POFUT1: variants seen among roughly 807,000 people sequenced by gnomAD.
POFUT1 encodes protein O-fucosyltransferase 1.
A neutral mutation model predicts 42.4 loss-of-function variants in POFUT1; 16 were observed. The ratio of observed to expected loss-of-function variants is 0.38; its 90% CI spans 0.26 to 0.57. POFUT1 has a LOEUF of 0.57. POFUT1 is among the 20% of genes least tolerant of loss of function. The probability of loss-of-function intolerance (pLI) is 0.71; values close to 1 mark genes in which losing one functional copy is unlikely to be tolerated. For synonymous variants in POFUT1, 206 were observed against 205.4 expected, an observed-to-expected ratio of 1.00 and a Z score of -0.03; for missense variants, 470 against 504.6, an observed-to-expected ratio of 0.93 and a Z score of 0.66.
At position 32,214,510 on chromosome 20, in the gene POFUT1, G is replaced by A. The variant is rs555268251; in HGVS notation, c.247-759G>A. Among the ~76,000 whole-genome samples the A allele has an allele frequency of 2.2e-4, 33 of 152,292 alleles. No homozygotes were observed. The South Asian group carries it at 3.3e-3, about 15-fold the overall frequency. ...AAAATGTAGACTTCTGCTACCGGCCGTGTAGAAGAGTGCGCATTTCCCCAC... is the reference window on the plus strand; with the variant it reads ...AAAATGTAGACTTCTGCTACCGGCCATGTAGAAGAGTGCGCATTTCCCCAC... On this transcript the variant is annotated intron_variant, in intron 2 of 6. Coordinates refer to ENST00000375749, the MANE Select transcript of POFUT1 (RefSeq NM_015352.2).
At position 32,231,064 on chromosome 20, in the gene POFUT1, A is replaced by T; in HGVS notation, c.978+3A>T. 6.2e-7 allele frequency: 1 copy of T among 1,614,100 alleles called. No homozygotes were observed. The highest frequency in any genetic ancestry group is 8.5e-7 in the Non-Finnish European group (1 of 1,180,006). On this transcript the variant is annotated splice_donor_region_variant and intron_variant, in intron 6 of 6. Transcript: ENST00000375749. ...TCCAACAGCTCTTCAAAGGGAAGGT[A>T]TGTGTGGGCCAAGTGGGAGTGCAGT...
rs201685689 is a variant in POFUT1 at position 32,215,461 on chromosome 20, G to C, written c.429+10G>C. ...GACGTGCCCCATGAAGGTGGGTCCTGTGGGTTCGGGGGCCCTTTCTTCCTG... is the reference window on the plus strand; with the variant it reads ...GACGTGCCCCATGAAGGTGGGTCCTCTGGGTTCGGGGGCCCTTTCTTCCTG... On this transcript the variant is annotated intron_variant, in intron 3 of 6. Transcript: ENST00000375749. 1.6e-5 allele frequency: 25 copies of C among 1,598,546 alleles called. No homozygotes were observed. Among genetic ancestry groups the C allele is most frequent in the Non-Finnish European group, 2.1e-5 (25 of 1,168,446 alleles).
At chr20:32,228,211 A>C in intron 4 of POFUT1, 52 bp from the exon 5 acceptor site, 4 of 1,499,590 alleles carry the variant, frequency 2.7e-6, no homozygotes, top group Non-Finnish European at 3.7e-6. Context: ...TGGGGGTGGC[A>C]GCCAGGCTCT....
intron 1 of POFUT1, 68 bp from the exon 2 acceptor site, chr20:32,210,003 C>T (rs74183480): frequency 1.3e-6 from 2 of 1,588,976 alleles, no homozygotes; most frequent in Non-Finnish European, 1.7e-6. Flanking sequence ...CACAACCTTT[C>T]TGAGCCCTGC....
chr20:32,230,557 TG>T (rs2047437544), intron 5 of POFUT1, among the ~76,000 whole-genome samples: 1 of 151,630 alleles, frequency 6.6e-6, no homozygotes, highest in Non-Finnish European at 1.5e-5. Context: ...TAGCCGGGCA[TG>T]GTGGCGGGTG....
chr20:32,225,342 G>C (rs6057540), intron 4 of POFUT1, among the ~76,000 whole-genome samples: 103,941 of 151,770 alleles, frequency 0.68, 37,555 homozygotes, highest in East Asian at 0.99. Context: ...TGCCCACCAC[G>C]ACGTGTGGCT....
intron 5 of POFUT1, 37 bp from the exon 6 acceptor site, chr20:32,230,782 G>A (rs764567654): frequency 6.2e-6 from 10 of 1,602,420 alleles, no homozygotes; most frequent in South Asian, 1.1e-5. Flanking sequence ...TTCCAGGGCA[G>A]TTGCCAGTAT....
At chr20:32,214,888 GT>G (rs2047350432) in intron 2 of POFUT1, among the ~76,000 whole-genome samples, 1 of 152,034 alleles carries the variant, frequency 6.6e-6, no homozygotes, top group African/African-American at 2.4e-5. Flanking sequence ...GTCTTGGAGT[GT>G]TTTTGTTTTT....
At chr20:32,230,386 CA>C (rs71185388) in intron 5 of POFUT1, among the ~76,000 whole-genome samples, 31,230 of 104,430 alleles carry the variant, frequency 0.3, 5,284 homozygotes, top group African/African-American at 0.54. Flanking sequence ...GACTCCCTCT[CA>C]AAAAAAAAAA....
intron 5 of POFUT1, among the ~76,000 whole-genome samples, chr20:32,229,722 T>C (rs1196785131): frequency 6.6e-6 from 1 of 152,138 alleles, no homozygotes; most frequent in African/African-American, 2.4e-5. Flanking sequence ...TGCCAGGCTT[T>C]CTGTGCTGTG....
chr20:32,219,332 A>G (rs1291961314), intron 4 of POFUT1, among the ~76,000 whole-genome samples: 1 of 152,152 alleles, frequency 6.6e-6, no homozygotes, highest in Non-Finnish European at 1.5e-5. Context: ...AGTTAGAGGA[A>G]AAGTAGTTCA....
At chr20:32,216,376 A>G (rs988330631) in intron 3 of POFUT1, among the ~76,000 whole-genome samples, 7 of 152,192 alleles carry the variant, frequency 4.6e-5, no homozygotes, top group African/African-American at 1.7e-4. Flanking sequence ...GGTCAGCAGG[A>G]TGTGACATGT....
chr20:32,237,552 A>G lies in POFUT1; in HGVS notation c.*2891A>G, dbSNP rs943270211. On this transcript the variant is annotated 3_prime_UTR_variant, in exon 7 of 7. Coordinates refer to ENST00000375749, the MANE Select transcript of POFUT1 (RefSeq NM_015352.2). ...GGCCAGCATGGCTGGAGAGGCAGGC[A>G]TAGGCAGGGAACCGAGCAGCAGGTC... 2.9e-5 allele frequency: 7 copies of G among 240,312 alleles called. No individual in the cohort carries two copies. In the East Asian group the frequency reaches 5.5e-4, roughly 19 times the overall value. 14.9% of individuals were successfully genotyped at this position (240,312 alleles called of 1,614,324 possible). A position where few individuals can be genotyped will look rare whatever the true frequency, so the allele number is the denominator to read the frequency against.
chr20:32,231,205 T>G, intron 6 of POFUT1, 144 bp downstream of exon 6: 2 of 850,362 alleles, frequency 2.4e-6, no homozygotes, highest in Admixed American at 4.8e-5. Context: ...CTACCCTCCT[T>G]CAAACCCCAG....
At chr20:32,210,281 C>A in intron 2 of POFUT1, 89 bp downstream of exon 2, 1 of 1,328,940 alleles carries the variant, frequency 7.5e-7, no homozygotes, top group Non-Finnish European at 1.1e-6. Context: ...TGGGCTTTAC[C>A]TCCCACTCCT....
chr20:32,216,853 T>C, intron 4 of POFUT1, 132 bp downstream of exon 4: 1 of 1,451,624 alleles, frequency 6.9e-7, no homozygotes, highest in East Asian at 2.3e-5. Flanking sequence ...GCTCTGTCTG[T>C]TGAACTTGGA....
intron 4 of POFUT1, chr20:32,222,942 G>A: frequency 1.0e-6 from 1 of 984,120 alleles, no homozygotes; most frequent in Non-Finnish European, 1.2e-6. Flanking sequence ...CAGCCATGCA[G>A]AGAGCTGGAG....
In POFUT1 at chr20:32,212,279, T is replaced by C. The variant is rs541915514; in HGVS notation, c.246+2087T>C. 3.3e-5 allele frequency among the ~76,000 whole-genome samples: 5 copies of C among 152,194 alleles called. No homozygotes were observed. In the South Asian group the frequency reaches 6.2e-4, roughly 19 times the overall value. On this transcript the variant is annotated intron_variant, in intron 2 of 6. Coordinates refer to ENST00000375749, the MANE Select transcript of POFUT1 (RefSeq NM_015352.2). The stretch of plus-strand genomic sequence containing the variant: ...TAATTACAGGCCTGTGTTTCTTTTT[T>C]CTTTTTTTTTTTGAGACGAGGTCTC...
chr20:32,211,732 G>A (rs569852559), intron 2 of POFUT1, among the ~76,000 whole-genome samples: 45 of 152,284 alleles, frequency 3.0e-4, no homozygotes, highest in Admixed American at 1.1e-3. Context: ...GCCACTGTTA[G>A]CATTCTCACT....
Sources: gnomAD v4.1 joint callset for allele counts (sites outside exome capture counted in the v4.1 genomes callset) on GRCh38, gnomAD v4.1.1 for gene constraint, MANE v1.5 for transcripts, NCBI Gene and HGNC (gene_info 2026-07-23, HGNC 2026-07-21) for gene names.